The following POC1A variants were observed in gnomAD, a reference collection of about 807,000 sequenced individuals.
POC1A encodes the protein POC1 centriolar protein homolog A.
A neutral mutation model predicts 47.8 loss-of-function variants in POC1A; 34 were observed. That is an observed-to-expected ratio of 0.71 (90% CI 0.54 to 0.95). The LOEUF (loss-of-function observed/expected upper bound fraction) is 0.95, where lower values mean the gene tolerates loss of function less well. Among genes scored for constraint, POC1A ranks in the 40% least tolerant of loss-of-function variants. The pLI, the probability that POC1A is intolerant of heterozygous loss-of-function variation, is 0.00. For missense variants in POC1A, 466 were observed against 528.3 expected (o/e 0.88, Z 1.16); for synonymous variants, 177 against 207.6 (o/e 0.85, Z 1.27).
rs112411375 is a variant in POC1A, at chr3:52,126,517, G to A, written c.814-1336C>T. Among the ~76,000 whole-genome samples, 15 of 152,318 alleles carry A rather than the reference G, an allele frequency of 9.8e-5. 1 individual carries two copies. Among genetic ancestry groups the A allele is most frequent in the African/African-American group, 3.6e-4 (15 of 41,570 alleles). On this transcript the variant is annotated intron_variant, in intron 7 of 10. Transcript: ENST00000296484. The stretch of plus-strand genomic sequence containing the variant: ...ACTGGTGAACACCGAGCACTCAGGC[G>A]CTCAGAGCACAGCACCTGCATTTAC...
intron 9 of POC1A, among the ~76,000 whole-genome samples, chr3:52,120,153 A>T (rs1029407537): frequency 1.3e-5 from 2 of 152,214 alleles, no homozygotes; most frequent in African/African-American, 4.8e-5. Context: ...AAAGATGAAG[A>T]TCTTCTGGAA....
intron 10 of POC1A, among the ~76,000 whole-genome samples, chr3:52,091,260 G>A (rs192007879): frequency 3.3e-5 from 5 of 152,200 alleles, no homozygotes; most frequent in South Asian, 2.1e-4. Context: ...CGGGGAGCTC[G>A]CAGCATGTGA....
intron 6 of POC1A, among the ~76,000 whole-genome samples, chr3:52,145,643 C>T (rs887223386): frequency 1.3e-4 from 20 of 152,296 alleles, no homozygotes; most frequent in African/African-American, 4.8e-4. Flanking sequence ...CCAGGTAGCA[C>T]CAGGCTCCAT....
chr3:52,149,967 A>C lies in POC1A; in HGVS notation c.124T>G (p.Cys42Gly). Residue 42 changes from cysteine to glycine, a missense_variant, in exon 3 of 11, where the codon TGC (cysteine) becomes GGC (glycine). Physicochemically the swap from Cys to Gly is radical, Grantham distance 159. Coordinates refer to ENST00000296484, the MANE Select transcript of POC1A (RefSeq NM_015426.5). The stretch of plus-strand genomic sequence containing the variant: ...GGCTTCATGTGCCAGACCATGAGGC[A>C]TGAGTCCATGGAGCCACTGGCTGAG... ...KQLASGSMDS[C>G]LMVWHMKPQS... 3 of 1,613,620 alleles carry C rather than the reference A, an allele frequency of 1.9e-6. No individual in the cohort carries two copies. Among genetic ancestry groups the C allele is most frequent in the African/African-American group, 1.3e-5 (1 of 75,066 alleles).
chr3:52,134,291 T>C (rs1191274184), intron 7 of POC1A, among the ~76,000 whole-genome samples: 1 of 152,172 alleles, frequency 6.6e-6, no homozygotes, highest in South Asian at 2.1e-4. Flanking sequence ...ATGGTAAAGA[T>C]GGTGAATTAT....
intron 5 of POC1A, 27 bp downstream of exon 5, chr3:52,146,961 G>A (rs1392970381): frequency 1.9e-6 from 3 of 1,576,182 alleles, no homozygotes; most frequent in Non-Finnish European, 2.6e-6. Flanking sequence ...AGCGCCTACA[G>A]GTGGAGGACA....
chr3:52,139,258 A>G (rs1197036252), intron 6 of POC1A, among the ~76,000 whole-genome samples: 1 of 152,170 alleles, frequency 6.6e-6, no homozygotes, highest in African/African-American at 2.4e-5. Context: ...GAGCCATCCA[A>G]TGCCAACATG....
At chr3:52,116,177 G>A (rs1353360645) in intron 9 of POC1A, among the ~76,000 whole-genome samples, 1 of 152,138 alleles carries the variant, frequency 6.6e-6, no homozygotes, top group Non-Finnish European at 1.5e-5. Flanking sequence ...AAAGCATAAG[G>A]GAAGATCTAG....
At chr3:52,128,365 C>G (rs1005048135) in intron 7 of POC1A, among the ~76,000 whole-genome samples, 1 of 152,206 alleles carries the variant, frequency 6.6e-6, no homozygotes, top group South Asian at 2.1e-4. Context: ...ACTGGGAGCC[C>G]TGCAGATAAG....
chr3:52,080,001 C>A (rs147971032), intron 10 of POC1A, among the ~76,000 whole-genome samples: 1 of 152,266 alleles, frequency 6.6e-6, no homozygotes, highest in African/African-American at 2.4e-5. Flanking sequence ...GGGCTCAGGG[C>A]GGTTCACCCT....
intron 2 of POC1A, 43 bp from the exon 3 acceptor site, chr3:52,150,030 C>T (rs768660853): frequency 7.1e-6 from 11 of 1,549,368 alleles, no homozygotes; most frequent in African/African-American, 1.4e-5. Flanking sequence ...CTCTAACAGG[C>T]TTCAAGCCTC....
chr3:52,133,161 A>G (rs370626765), intron 7 of POC1A, among the ~76,000 whole-genome samples: 37 of 152,254 alleles, frequency 2.4e-4, no homozygotes, highest in East Asian at 2.1e-3. Context: ...GATTAGGTGC[A>G]CTTATGAAAG....
chr3:52,150,472 A>G (rs1698521134), intron 2 of POC1A, among the ~76,000 whole-genome samples: 1 of 152,142 alleles, frequency 6.6e-6, no homozygotes, highest in Non-Finnish European at 1.5e-5. Context: ...GACAGGATGA[A>G]GGGGCAAGCC....
chr3:52,113,101 C>T (rs1281904443), intron 9 of POC1A, among the ~76,000 whole-genome samples: 2 of 152,238 alleles, frequency 1.3e-5, no homozygotes, highest in Non-Finnish European at 1.5e-5. Flanking sequence ...AAAGGCCTGT[C>T]TCTTCACCAT....
rs76747727 is a variant in POC1A at position 52,134,995 on chromosome 3, T to A, written c.813+3174A>T. ...CACATCGCCACCTCCCAGAACAGAA[T>A]GTGAAAGATGAAGTCACCAAAGAAC... On this transcript the variant is annotated intron_variant, in intron 7 of 10. Transcript: ENST00000296484. 4.6e-5 allele frequency among the ~76,000 whole-genome samples: 7 copies of A among 152,188 alleles called. No homozygotes were observed. In the East Asian group the frequency reaches 1.4e-3, roughly 29 times the overall value.
chr3:52,122,112 T>C (rs1343799415), intron 9 of POC1A, among the ~76,000 whole-genome samples: 2 of 152,214 alleles, frequency 1.3e-5, no homozygotes, highest in African/African-American at 2.4e-5. Context: ...CCATATGCCA[T>C]GGCAACACGC....
chr3:52,091,943 A>G (rs189803281), intron 10 of POC1A, among the ~76,000 whole-genome samples: 1 of 152,196 alleles, frequency 6.6e-6, no homozygotes, highest in African/African-American at 2.4e-5. Context: ...CACCCAGGTG[A>G]TGAATGGTGG....
intron 9 of POC1A, among the ~76,000 whole-genome samples, chr3:52,120,399 G>A (rs1340950322): frequency 6.6e-6 from 1 of 152,192 alleles, no homozygotes; most frequent in Non-Finnish European, 1.5e-5. Context: ...TCTGGAAGAG[G>A]ACTTACATCC....
rs553211049 is a variant in POC1A at position 52,090,391 on chromosome 3, C to T, written c.1125+6178G>A. Among the ~76,000 whole-genome samples the T allele has an allele frequency of 6.6e-6, 1 of 152,358 alleles. No individual in the cohort carries two copies. Among genetic ancestry groups the T allele is most frequent in the Admixed American group, 6.5e-5 (1 of 15,312 alleles). The stretch of plus-strand genomic sequence containing the variant: ...CAAAACCACCAAGCCGCGTGTTGGG[C>T]CTATGCCGGGCCCCCTCACAGCAGC... On this transcript the variant is annotated intron_variant, in intron 10 of 10. Transcript: ENST00000296484. The surrounding 1 kb of genome is among the most constrained non-coding windows in gnomAD (Gnocchi z 4.2).
Sources: gnomAD v4.1 joint callset for allele counts (sites outside exome capture counted in the v4.1 genomes callset) on GRCh38, gnomAD v4.1.1 for gene constraint, Gnocchi (gnomAD v3.1) non-coding constraint, MANE v1.5 for transcripts, NCBI Gene and HGNC (gene_info 2026-07-23, HGNC 2026-07-21) for gene names.